The following TRIM67 variants were observed in gnomAD, a reference collection of about 807,000 sequenced individuals.
The protein encoded by TRIM67 is tripartite motif-containing protein 67.
Under a neutral mutation model 71.0 loss-of-function variants are expected in TRIM67, and 39 were observed. The ratio of observed to expected loss-of-function variants is 0.55; its 90% confidence interval spans 0.43 to 0.72. The LOEUF (loss-of-function observed/expected upper bound fraction) is 0.72. Among genes scored for constraint, TRIM67 ranks in the 30% least tolerant of loss-of-function variants. The pLI is 0.00. For missense variants in TRIM67, 973 were observed against 1,079.2 expected, an observed-to-expected ratio of 0.90 and a Z score of 1.38; for synonymous variants, 481 against 473.9, an observed-to-expected ratio of 1.01 and a Z score of -0.19.
In TRIM67 at chr1:231,220,593, G is replaced by C. The variant is rs1028721628; in HGVS notation, c.*5153G>C. The C allele has an allele frequency of 6.6e-6, 1 of 152,326 alleles. No homozygotes were observed. The highest frequency in any genetic ancestry group is 1.5e-5 in the Non-Finnish European group (1 of 68,126). 9.4% of individuals were successfully genotyped at this position (152,326 alleles called of 1,614,324 possible). On this transcript the variant is annotated 3_prime_UTR_variant, in exon 10 of 10. Coordinates refer to ENST00000366653, the MANE Select transcript of TRIM67 (RefSeq NM_001004342.5). ...CACGAAGAGATGCAACTGAGCCGAA[G>C]TTTTGAAGGCTGGTTGGGCTAGTGG... is the stretch of plus-strand genomic sequence containing the variant.
intron 1 of TRIM67, among the ~76,000 whole-genome samples, chr1:231,187,343 G>A (rs1436999606): frequency 2.0e-5 from 3 of 152,040 alleles, no homozygotes; most frequent in Non-Finnish European, 4.4e-5. Context: ...CCTCCCTCAG[G>A]TGGTGCTTAG....
At chr1:231,169,368 C>CTTTTTTT (rs775082418) in intron 1 of TRIM67, among the ~76,000 whole-genome samples, 17 of 81,654 alleles carry the variant, frequency 2.1e-4, no homozygotes, top group Admixed American at 7.9e-4. Context: ...ATTCTTTTCT[C>CTTTTTTT]TTTTTTTTTT....
Position 231,209,107 on chromosome 1 carries a change from C to T in TRIM67, c.1980C>T (p.Tyr660=), listed in dbSNP as rs114550336. ...ACTGGGAGCTGCACGTGGACCGGTACGACAACCACCCAGACCCCGCCTTCG... is the reference window on the plus strand; with the variant it reads ...ACTGGGAGCTGCACGTGGACCGGTATGACAACCACCCAGACCCCGCCTTCG... The part of the protein sequence containing the change: ...VHYWELHVDR[Y]DNHPDPAFGV... The change falls in exon 8 of 10, where the codon TAC becomes TAT. Residue 660 remains tyrosine (Y), a synonymous_variant. Transcript: ENST00000366653. This position sits in a 1 kb window ranked among gnomAD's most constrained non-coding sequence, Gnocchi z 4.1. The T allele has an allele frequency of 3.8e-4, 611 of 1,613,964 alleles. No homozygotes were observed. The African/African-American group carries it at 6.9e-3, about 18-fold the overall frequency.
intron 5 of TRIM67, among the ~76,000 whole-genome samples, chr1:231,203,511 C>T (rs542014315): frequency 9.2e-5 from 14 of 152,308 alleles, no homozygotes; most frequent in African/African-American, 2.9e-4. Context: ...ACTGTTGATG[C>T]GTTCCTCATG....
At chr1:231,171,790 G>C (rs1682625507) in intron 1 of TRIM67, among the ~76,000 whole-genome samples, 1 of 152,124 alleles carries the variant, frequency 6.6e-6, no homozygotes, top group South Asian at 2.1e-4. Flanking sequence ...AGCAAGTTGT[G>C]AAATGATTTT....
At position 231,199,098 on chromosome 1, in the gene TRIM67, G is replaced by A. The variant is rs1022415087; in HGVS notation, c.1192G>A (p.Val398Met). The A allele has an allele frequency of 2.5e-6, 4 of 1,613,988 alleles. No homozygotes were observed. The highest frequency in any genetic ancestry group is 2.5e-6 in the Non-Finnish European group (3 of 1,179,888). ...ACLVAQCDAL[V>M]DALTRQKAKL... ...CCTCGTTGCTCAGTGTGATGCCCTTGTGGATGCTTTAACTCGTCAGAAAGC... is the reference window on the plus strand; with the variant it reads ...CCTCGTTGCTCAGTGTGATGCCCTTATGGATGCTTTAACTCGTCAGAAAGC... The change falls in exon 3 of 10, where the codon GTG becomes ATG. Residue 398 changes from valine to methionine, a missense_variant. Val to Met is a conservative substitution (Grantham distance 21, BLOSUM62 1). Transcript: ENST00000366653.
intron 1 of TRIM67, 80 bp from the exon 2 acceptor site, chr1:231,197,291 A>T (rs1299277402): frequency 8.2e-7 from 1 of 1,220,364 alleles, no homozygotes; most frequent in African/African-American, 1.5e-5. Context: ...TCTTATAAAC[A>T]TAAGCTTTTA....
At chr1:231,175,275 C>T (rs970773764) in intron 1 of TRIM67, among the ~76,000 whole-genome samples, 12 of 152,182 alleles carry the variant, frequency 7.9e-5, no homozygotes, top group Admixed American at 7.9e-4. Flanking sequence ...GGTTCTACAC[C>T]TGTAACCTAC....
At chr1:231,182,575 A>G (rs1221848260) in intron 1 of TRIM67, among the ~76,000 whole-genome samples, 1 of 152,152 alleles carries the variant, frequency 6.6e-6, no homozygotes, top group African/African-American at 2.4e-5. Context: ...ACCGTGGGGC[A>G]CCGGTGCAGC....
chr1:231,211,576 G>A (rs573314230), intron 8 of TRIM67, among the ~76,000 whole-genome samples: 4 of 152,136 alleles, frequency 2.6e-5, no homozygotes, highest in African/African-American at 9.7e-5. Flanking sequence ...TCCCGCCCCG[G>A]GCACCCTCGG....
rs189328957 is a variant in TRIM67, at chr1:231,221,492, T to C, written c.*6052T>C. ...TTAGTTGAACTTTCTGTATTACCTTTTGGAAAACCTGAGTTTTACCACAGT... is the reference window on the plus strand; with the variant it reads ...TTAGTTGAACTTTCTGTATTACCTTCTGGAAAACCTGAGTTTTACCACAGT... On this transcript the variant is annotated 3_prime_UTR_variant, in exon 10 of 10. Coordinates refer to ENST00000366653, the MANE Select transcript of TRIM67 (RefSeq NM_001004342.5). 6.5e-6 allele frequency: 1 copy of C among 152,804 alleles called. No individual in the cohort carries two copies. The highest frequency in any genetic ancestry group is 1.5e-5 in the Non-Finnish European group (1 of 68,032). 9.5% of individuals were successfully genotyped at this position (152,804 alleles called of 1,614,324 possible).
rs192189328 is a variant in TRIM67, at chr1:231,175,511, A to C, written c.1044+11498A>C. On this transcript the variant is annotated intron_variant, in intron 1 of 9. Transcript: ENST00000366653. ...AGCAACAGCAGGAGCCAGAACATCC[A>C]CATATTGGGCCAGTTCCCATAAGGG... 4.1e-4 allele frequency among the ~76,000 whole-genome samples: 62 copies of C among 152,348 alleles called. 1 individual carries two copies. The highest frequency in any genetic ancestry group is 9.1e-4 in the Admixed American group (14 of 15,308).
rs959137802 is a variant in TRIM67 at position 231,221,186 on chromosome 1, G to C, written c.*5746G>C. The C allele has an allele frequency of 2.6e-5, 4 of 152,210 alleles. No homozygotes were observed. Among genetic ancestry groups the C allele is most frequent in the Non-Finnish European group, 4.4e-5 (3 of 68,034 alleles). 9.4% of individuals were successfully genotyped at this position (152,210 alleles called of 1,614,324 possible). A position where few individuals can be genotyped will look rare whatever the true frequency, so the allele number is the denominator to read the frequency against. ...AAAGGGATTTAACAAGAAACAAAAA[G>C]CTTCGCGTCCTTGTTTTGACCGTCG... is the stretch of plus-strand genomic sequence containing the variant. On this transcript the variant is annotated 3_prime_UTR_variant, in exon 10 of 10. Coordinates refer to ENST00000366653, the MANE Select transcript of TRIM67 (RefSeq NM_001004342.5).
intron 1 of TRIM67, 81 bp downstream of exon 1, chr1:231,164,094 C>G (rs1558287747): frequency 1.5e-6 from 2 of 1,345,474 alleles, no homozygotes; most frequent in Non-Finnish European, 9.6e-7. Flanking sequence ...CCTTGGAGAG[C>G]TGACAGAAAG....
At chr1:231,197,648 A>C (rs187850803) in intron 2 of TRIM67, among the ~76,000 whole-genome samples, 182 bp downstream of exon 2, 3 of 152,192 alleles carry the variant, frequency 2.0e-5, no homozygotes, top group Non-Finnish European at 4.4e-5. Context: ...CAACATGGAG[A>C]AACCCGTCTC....
chr1:231,169,099 C>T (rs1485976162), intron 1 of TRIM67, among the ~76,000 whole-genome samples: 2 of 152,112 alleles, frequency 1.3e-5, no homozygotes, highest in African/African-American at 4.8e-5. Flanking sequence ...GCTCTATTAC[C>T]CAGGGTGGAG....
chr1:231,163,064 G>C lies in TRIM67; in HGVS notation c.95G>C (p.Arg32Pro). 6.2e-7 allele frequency: 1 copy of C among 1,604,248 alleles called. No individual in the cohort carries two copies. Among genetic ancestry groups the C allele is most frequent in the East Asian group, 2.3e-5 (1 of 44,302 alleles). The change falls in exon 1 of 10, where the codon CGC becomes CCC. Residue 32 changes from arginine to proline, a missense_variant. This residue lies in a region of TRIM67 where 795 missense variants were observed against 831.3 expected (regional missense o/e 0.96). Transcript: ENST00000366653. ...CSHNVCLPCA[R>P]TIAVQTPDGE... ...CACAATGTCTGCCTGCCTTGCGCTC[G>C]CACCATCGCGGTGCAGACCCCGGAC...
At chr1:231,195,367 C>A (rs1414791684) in intron 1 of TRIM67, among the ~76,000 whole-genome samples, 1 of 152,230 alleles carries the variant, frequency 6.6e-6, no homozygotes, top group Non-Finnish European at 1.5e-5. Context: ...TAGCGGCTAC[C>A]GTCAGGGACA....
In TRIM67 at chr1:231,220,147, T is replaced by G; in HGVS notation, c.*4707T>G. The G allele has an allele frequency of 2.5e-6, 1 of 404,430 alleles. No individual in the cohort carries two copies. The highest frequency in any genetic ancestry group is 7.3e-5 in the East Asian group (1 of 13,784). 25.1% of individuals were successfully genotyped at this position (404,430 alleles called of 1,614,324 possible). On this transcript the variant is annotated 3_prime_UTR_variant, in exon 10 of 10. Transcript: ENST00000366653. ...CTGGCATCTAAGCTAATGATTCCCA[T>G]TCAGTGACTCAAACCTGTGGGGGGC...
Sources: gnomAD v4.1 joint callset for allele counts (sites outside exome capture counted in the v4.1 genomes callset) on GRCh38, gnomAD v4.1.1 for gene constraint, gnomAD v4.1.1 regional missense constraint, Gnocchi (gnomAD v3.1) non-coding constraint, MANE v1.5 for transcripts, NCBI Gene and HGNC (gene_info 2026-07-23, HGNC 2026-07-21) for gene names.